AUTS2: variants seen among roughly 807,000 people sequenced by gnomAD.
The protein encoded by AUTS2 is activator of transcription and developmental regulator AUTS2.
In AUTS2, 17 loss-of-function variants were observed where a neutral mutation model predicts 112.4. The observed-to-expected ratio is 0.15, with a 90% CI of 0.10 to 0.23. The LOEUF (loss-of-function observed/expected upper bound fraction) is 0.23, where lower values mean the gene tolerates loss of function less well. AUTS2 is among the 10% of genes least tolerant of loss of function. The probability of loss-of-function intolerance (pLI) is 1.00; values close to 1 mark genes in which losing one functional copy is unlikely to be tolerated. For missense variants in AUTS2, 1,510 were observed against 1,701.6 expected, an observed-to-expected ratio of 0.89 and a Z score of 1.98; for synonymous variants, 751 against 702.7, an observed-to-expected ratio of 1.07 and a Z score of -1.09.
intron 2 of AUTS2, among the ~76,000 whole-genome samples, chr7:70,114,656 G>A (rs1805264446): frequency 6.6e-6 from 1 of 152,146 alleles, no homozygotes; most frequent in African/African-American, 2.4e-5. Flanking sequence ...GCTGGGCGTG[G>A]TGGCACATGC....
intron 5 of AUTS2, among the ~76,000 whole-genome samples, chr7:70,628,324 AT>A (rs1437342112): frequency 3.5e-5 from 1 of 28,774 alleles, no homozygotes; most frequent in African/African-American, 3.2e-4. Flanking sequence ...CTATATATAT[AT>A]ATACATATAT....
At chr7:70,453,230 A>G (rs564138463) in intron 5 of AUTS2, among the ~76,000 whole-genome samples, 9 of 152,328 alleles carry the variant, frequency 5.9e-5, no homozygotes, top group African/African-American at 2.2e-4. Flanking sequence ...ACTGCCAATG[A>G]AACAATGATG....
chr7:70,111,170 C>T (rs969137551), intron 2 of AUTS2, among the ~76,000 whole-genome samples: 2 of 152,214 alleles, frequency 1.3e-5, no homozygotes, highest in African/African-American at 4.8e-5. Context: ...TGAGCCACCG[C>T]GCCCAGCCCT....
chr7:69,886,461 T>G (rs903169677), intron 1 of AUTS2, among the ~76,000 whole-genome samples: 2 of 152,196 alleles, frequency 1.3e-5, no homozygotes, highest in Non-Finnish European at 2.9e-5. Context: ...TGATATGCTG[T>G]GTAAAACTGC....
In AUTS2 at chr7:70,762,175, T is replaced by C. The variant is rs763459074; in HGVS notation, c.743-695T>C. On this transcript the variant is annotated intron_variant, in intron 6 of 18. Coordinates refer to ENST00000342771, the MANE Select transcript of AUTS2 (RefSeq NM_015570.4). ...CAATAGAAAACACTTCTCTTTTGTA[T>C]GTTCAACAAATGTATTTGTTTTAAA... Among the ~76,000 whole-genome samples, 3 of 152,266 alleles carry C rather than the reference T, an allele frequency of 2.0e-5. No individual in the cohort carries two copies. The East Asian group carries it at 5.8e-4, about 29-fold the overall frequency.
intron 5 of AUTS2, among the ~76,000 whole-genome samples, chr7:70,439,153 A>G (rs1199165677): frequency 6.6e-6 from 1 of 152,240 alleles, no homozygotes; most frequent in African/African-American, 2.4e-5. Flanking sequence ...GGCTTTGATG[A>G]GACACTGAGC....
At chr7:70,690,682 G>C (rs1302643556) in intron 5 of AUTS2, among the ~76,000 whole-genome samples, 1 of 152,110 alleles carries the variant, frequency 6.6e-6, no homozygotes, top group Non-Finnish European at 1.5e-5. Context: ...GCAAGTATAG[G>C]CCAGACAGAG....
At chr7:70,337,255 G>T (rs1244921921) in intron 4 of AUTS2, among the ~76,000 whole-genome samples, 1 of 152,166 alleles carries the variant, frequency 6.6e-6, no homozygotes, top group Admixed American at 6.5e-5. Context: ...GTAAATTAAT[G>T]CCATTGATCT....
chr7:69,696,380 T>C (rs1353253863), intron 1 of AUTS2, among the ~76,000 whole-genome samples: 2 of 152,150 alleles, frequency 1.3e-5, no homozygotes, highest in Non-Finnish European at 2.9e-5. Flanking sequence ...CCCTCCAAAA[T>C]AGACTCACTG....
At position 70,276,542 on chromosome 7, in the gene AUTS2, C is replaced by T. The variant is rs186720567; in HGVS notation, c.660+141971C>T. 1.2e-3 allele frequency among the ~76,000 whole-genome samples: 178 copies of T among 152,014 alleles called. 2 individuals are homozygous for T. The East Asian group carries it at 0.023, about 20-fold the overall frequency. ...TAGAGGTCCCAGCTACCACACCCAA[C>T]TAATTTTTGTATTTTTAGTAGAGAT... On this transcript the variant is annotated intron_variant, in intron 4 of 18. Transcript: ENST00000342771.
chr7:69,705,956 T>A (rs959791055), intron 1 of AUTS2, among the ~76,000 whole-genome samples: 1 of 152,054 alleles, frequency 6.6e-6, no homozygotes, highest in Non-Finnish European at 1.5e-5. Context: ...CATAAAGACC[T>A]CATTTTAATT....
chr7:70,413,918 G>A (rs1794882886), intron 4 of AUTS2, among the ~76,000 whole-genome samples: 2 of 152,104 alleles, frequency 1.3e-5, no homozygotes, highest in South Asian at 4.2e-4. Context: ...CAAGCAATAT[G>A]CCCGCCTCGG....
chr7:69,929,525 T>G (rs548197225), intron 2 of AUTS2, among the ~76,000 whole-genome samples: 5 of 152,248 alleles, frequency 3.3e-5, no homozygotes, highest in African/African-American at 1.2e-4. Context: ...TCCTAGAGTT[T>G]CCTGTGCTAC....
chr7:70,136,139 C>T (rs1023970017), intron 4 of AUTS2, among the ~76,000 whole-genome samples: 1 of 151,960 alleles, frequency 6.6e-6, no homozygotes, highest in African/African-American at 2.4e-5. Context: ...TTTTTATTCT[C>T]TAATAATATA....
chr7:69,780,846 C>T (rs943143154), intron 1 of AUTS2, among the ~76,000 whole-genome samples: 4 of 152,104 alleles, frequency 2.6e-5, no homozygotes, highest in South Asian at 2.1e-4. Flanking sequence ...CAAAATAGAC[C>T]GAAACAACCT....
intron 2 of AUTS2, among the ~76,000 whole-genome samples, chr7:69,980,656 A>C (rs1798258344): frequency 6.6e-6 from 1 of 152,042 alleles, no homozygotes; most frequent in African/African-American, 2.4e-5. Context: ...ACACATCCTC[A>C]TCCTCTCACC....
chr7:70,029,335 G>GT (rs1413577746), intron 2 of AUTS2, among the ~76,000 whole-genome samples: 4 of 134,712 alleles, frequency 3.0e-5, no homozygotes, highest in Non-Finnish European at 4.8e-5. Flanking sequence ...AATTTTTTCT[G>GT]TTTTTTATTT....
chr7:69,820,575 T>C (rs914771029), intron 1 of AUTS2, among the ~76,000 whole-genome samples: 1 of 152,220 alleles, frequency 6.6e-6, no homozygotes, highest in African/African-American at 2.4e-5. Context: ...GGGCTTCCTA[T>C]AGGGCACAGC....
intron 1 of AUTS2, among the ~76,000 whole-genome samples, chr7:69,709,731 TTTAAA>T (rs1188499450): frequency 6.6e-6 from 1 of 152,216 alleles, no homozygotes; most frequent in African/African-American, 2.4e-5. Context: ...GATTTTGTCC[TTTAAA>T]TAAAATAAAC....
Sources: gnomAD v4.1 joint callset for allele counts (sites outside exome capture counted in the v4.1 genomes callset) on GRCh38, gnomAD v4.1.1 for gene constraint, MANE v1.5 for transcripts, NCBI Gene and HGNC (gene_info 2026-07-23, HGNC 2026-07-21) for gene names.